The following SOD1 variants were observed in gnomAD, a reference collection of about 807,000 sequenced individuals.
SOD1 encodes superoxide dismutase 1, also known as superoxide dismutase [Cu-Zn].
Under a neutral mutation model 15.9 loss-of-function variants are expected in SOD1, and 8 were observed. The ratio of observed to expected loss-of-function variants is 0.50; its 90% CI spans 0.30 to 0.91. SOD1 has a LOEUF of 0.91. Ranked by LOEUF, SOD1 falls within the 40% of genes least tolerant of loss-of-function variation. SOD1 has a pLI of 0.07. For missense variants in SOD1, 137 were observed against 194.5 expected (o/e 0.70, Z 1.76); for synonymous variants, 86 against 71.2 (o/e 1.21, Z -1.04).
chr21:31,668,686 G>C lies in SOD1; in HGVS notation c.*108G>C. Reference sequence around the variant, plus strand: ...ACACTGTAATCTTAAAAGTGTAATTGTGTGACTTTTTCAGAGTTGCTTTAA... The same window carrying C: ...ACACTGTAATCTTAAAAGTGTAATTCTGTGACTTTTTCAGAGTTGCTTTAA... On this transcript the variant is annotated 3_prime_UTR_variant, in exon 5 of 5. Transcript: ENST00000270142. The C allele has an allele frequency of 1.1e-6, 1 of 884,680 alleles. No homozygotes were observed. Among genetic ancestry groups the C allele is most frequent in the South Asian group, 1.4e-5 (1 of 71,934 alleles). The allele number at this position is 884,680 out of a possible 1,614,324, so 54.8% of individuals were successfully genotyped here.
rs1251222457 is a variant in SOD1, at chr21:31,659,814, G to A, written c.45G>A (p.Val15=). 1.9e-6 allele frequency: 3 copies of A among 1,613,820 alleles called. No homozygotes were observed. The highest frequency in any genetic ancestry group is 2.7e-5 in the African/African-American group (2 of 75,058). ...GCGTGCTGAAGGGCGACGGCCCAGT[G>A]CAGGGCATCATCAATTTCGAGCAGA... ...AVCVLKGDGP[V]QGIINFEQKE... is the part of the protein sequence containing the mutation. Residue 15 remains valine, a synonymous_variant, in exon 1 of 5, where the codon GTG becomes GTA. Coordinates refer to ENST00000270142, the MANE Select transcript of SOD1 (RefSeq NM_000454.5).
At chr21:31,664,712 G>A (rs2049578796) in intron 2 of SOD1, among the ~76,000 whole-genome samples, 3 of 152,062 alleles carry the variant, frequency 2.0e-5, no homozygotes, top group East Asian at 1.9e-4. Flanking sequence ...TCCGCCTCCC[G>A]GGTTCATGCC....
chr21:31,668,151 T>C (rs2049613840), intron 4 of SOD1, among the ~76,000 whole-genome samples: 1 of 152,200 alleles, frequency 6.6e-6, no homozygotes, highest in East Asian at 1.9e-4. Context: ...TAAGAGTGAC[T>C]GCGGAACTAA....
chr21:31,661,695 C>T (rs2049550203), intron 1 of SOD1: 1 of 152,330 alleles, frequency 6.6e-6, no homozygotes, highest in African/African-American at 2.4e-5. Context: ...TCTGAGGAAT[C>T]CCTTCTCCCT....
chr21:31,666,660 T>G, intron 3 of SOD1, 142 bp downstream of exon 3: 1 of 718,672 alleles, frequency 1.4e-6, no homozygotes, highest in Non-Finnish European at 2.5e-6. Flanking sequence ...AAACCCCTGC[T>G]CCCAAATGCT....
chr21:31,662,996 C>T (rs567379063), intron 1 of SOD1, among the ~76,000 whole-genome samples: 2 of 149,508 alleles, frequency 1.3e-5, no homozygotes, highest in South Asian at 4.2e-4. Context: ...GCCTGGGCGA[C>T]AGAGCGAGAC....
At position 31,667,289 on chromosome 21, in the gene SOD1, G is replaced by A. The variant is rs1343616996; in HGVS notation, c.271G>A (p.Asp91Asn). The A allele has an allele frequency of 1.2e-6, 2 of 1,614,126 alleles. No homozygotes were observed. Among genetic ancestry groups the A allele is most frequent in the Non-Finnish European group, 1.7e-6 (2 of 1,179,968 alleles). Reference sequence around the variant, plus strand: ...TGGAGACTTGGGCAATGTGACTGCTGACAAAGATGGTGTGGCCGATGTGTC... The same window carrying A: ...TGGAGACTTGGGCAATGTGACTGCTAACAAAGATGGTGTGGCCGATGTGTC... ...HVGDLGNVTA[D>N]KDGVADVSIE... The change falls in exon 4 of 5, where the codon GAC becomes AAC. Residue 91 changes from aspartate to asparagine, a missense_variant. Coordinates refer to ENST00000270142, the MANE Select transcript of SOD1 (RefSeq NM_000454.5).
At chr21:31,660,092 A>G (rs904599425) in intron 1 of SOD1, 1 of 189,592 alleles carries the variant, frequency 5.3e-6, no homozygotes. Context: ...GCGTGGCGGG[A>G]GCGCGGGGAG....
At chr21:31,664,040 G>C (rs1475837463) in intron 2 of SOD1, among the ~76,000 whole-genome samples, 154 bp downstream of exon 2, 1 of 152,068 alleles carries the variant, frequency 6.6e-6, no homozygotes, top group Non-Finnish European at 1.5e-5. Flanking sequence ...GGCGCTGTGC[G>C]ATCATGGCTG....
At chr21:31,665,169 A>T (rs9967983) in intron 2 of SOD1, among the ~76,000 whole-genome samples, 72,361 of 151,484 alleles carry the variant, frequency 0.48, 17,749 homozygotes, top group East Asian at 0.81. Flanking sequence ...CTTAAAAAAA[A>T]TTTTTTTAAA....
intron 1 of SOD1, among the ~76,000 whole-genome samples, chr21:31,662,119 T>G (rs1230264085): frequency 6.6e-6 from 1 of 152,268 alleles, no homozygotes; most frequent in Non-Finnish European, 1.5e-5. Context: ...CCCTGCAGGG[T>G]TGTACCCGAG....
chr21:31,668,541 G>A lies in SOD1; in HGVS notation c.428G>A (p.Ser143Asn), dbSNP rs1200970313. 6.2e-7 allele frequency: 1 copy of A among 1,613,982 alleles called. No homozygotes were observed. Among genetic ancestry groups the A allele is most frequent in the Non-Finnish European group, 8.5e-7 (1 of 1,179,862 alleles). The change falls in exon 5 of 5, where the codon AGT (serine) becomes AAT (asparagine). Residue 143 changes from serine to asparagine, a missense_variant. By Grantham distance (46) the Ser-to-Asn change is conservative. Coordinates refer to ENST00000270142, the MANE Select transcript of SOD1 (RefSeq NM_000454.5). Reference protein sequence around the residue: ...EESTKTGNAGSRLACGVIGIA... With the variant: ...EESTKTGNAGNRLACGVIGIA... ...AGTACAAAGACAGGAAACGCTGGAA[G>A]TCGTTTGGCTTGTGGTGTAATTGGG...
intron 1 of SOD1, 181 bp downstream of exon 1, chr21:31,660,022 G>A (rs1471135313): frequency 9.3e-6 from 4 of 427,922 alleles, no homozygotes; most frequent in Non-Finnish European, 1.6e-5. Context: ...CAAGTGCTGA[G>A]TCACCGGGCG....
rs1324879113 is a variant in SOD1 at position 31,666,526 on chromosome 21, G to C, written c.239+8G>C. 2 of 1,594,716 alleles carry C rather than the reference G, an allele frequency of 1.3e-6. No individual in the cohort carries two copies. The highest frequency in any genetic ancestry group is 1.7e-6 in the Non-Finnish European group (2 of 1,162,818). On this transcript the variant is annotated splice_region_variant and intron_variant, in intron 3 of 4. Transcript: ENST00000270142. ...GCCAAAGGATGAAGAGAGGTAACAA[G>C]ATGCTTAACTCTTGTAATAATGGCG...
chr21:31,662,590 G>A (rs1263759549), intron 1 of SOD1, among the ~76,000 whole-genome samples: 1 of 152,098 alleles, frequency 6.6e-6, no homozygotes, highest in Admixed American at 6.5e-5. Context: ...CTTTCATTTT[G>A]GTAGAGTGGA....
chr21:31,662,290 T>C (rs1028148154), intron 1 of SOD1, among the ~76,000 whole-genome samples: 4 of 152,226 alleles, frequency 2.6e-5, no homozygotes, highest in African/African-American at 9.6e-5. Context: ...ACAGTATCTA[T>C]TGTCAAAAAG....
At chr21:31,667,709 T>TA (rs1407870467) in intron 4 of SOD1, among the ~76,000 whole-genome samples, 1 of 152,232 alleles carries the variant, frequency 6.6e-6, no homozygotes, top group Non-Finnish European at 1.5e-5. Context: ...AACATTTTGT[T>TA]AAGTTTAAAA....
intron 3 of SOD1, chr21:31,667,015 A>G: frequency 1.8e-6 from 1 of 554,560 alleles, no homozygotes; most frequent in Non-Finnish European, 3.2e-6. Context: ...CCAGTAATTA[A>G]CAGGCATAAC....
chr21:31,666,426 T>C, intron 2 of SOD1, 23 bp from the exon 3 acceptor site: 1 of 1,580,612 alleles, frequency 6.3e-7, no homozygotes, highest in Non-Finnish European at 8.7e-7. Context: ...AATTTAGCTT[T>C]TTTTTCTTCT....
Sources: gnomAD v4.1 joint callset for allele counts (sites outside exome capture counted in the v4.1 genomes callset) on GRCh38, gnomAD v4.1.1 for gene constraint, MANE v1.5 for transcripts, NCBI Gene and HGNC (gene_info 2026-07-23, HGNC 2026-07-21) for gene names.